SCAF4: variants seen among roughly 807,000 people sequenced by gnomAD.
The protein encoded by SCAF4 is SR-related CTD associated factor 4.
A neutral mutation model predicts 129.8 loss-of-function variants in SCAF4; 25 were observed. That is an observed-to-expected ratio of 0.19 (90% CI 0.14 to 0.27). SCAF4 has a LOEUF of 0.27. Ranked by LOEUF, SCAF4 falls within the 10% of genes least tolerant of loss-of-function variation. SCAF4 has a pLI of 1.00. For synonymous variants in SCAF4, 551 were observed against 497.7 expected (o/e 1.11, Z -1.43); for missense variants, 1,246 against 1,457.1 (o/e 0.86, Z 2.36).
At position 31,732,000 on chromosome 21, in the gene SCAF4, C is replaced by T. The variant is rs2051376148; in HGVS notation, c.-308G>A. The T allele has an allele frequency of 1.1e-5, 5 of 472,022 alleles. No homozygotes were observed. Among genetic ancestry groups the T allele is most frequent in the East Asian group, 7.1e-5 (2 of 28,162 alleles). The allele number at this position is 472,022 out of a possible 1,614,324, so 29.2% of individuals were successfully genotyped here. A position where few individuals can be genotyped will look rare whatever the true frequency, so the allele number is the denominator to read the frequency against. ...GCGCTCTGCGTCTCGCTGACACGGC[C>T]CCCCGCGCCCTCACGCACTGGCTCA... On this transcript the variant is annotated 5_prime_UTR_variant, in exon 1 of 20. Transcript: ENST00000286835.
Position 31,672,192 on chromosome 21 carries a change from T to C in SCAF4, c.2651A>G (p.His884Arg), listed in dbSNP as rs760815311. Residue 884 changes from histidine (H) to arginine (R), a missense_variant, in exon 20 of 20, where the codon CAC becomes CGC. By Grantham distance (29) the His-to-Arg change is conservative (BLOSUM62 0). Transcript: ENST00000286835. ...TGGCGGTGGGCCTCTGTGCATCATG[T>C]GCGGTGGCATGGGACGGGGCGGCAT... is the stretch of plus-strand genomic sequence containing the variant. ...PLMPPRPMPP[H>R]MMHRGPPPGP... is the part of the protein sequence containing the mutation. 4 of 1,606,088 alleles carry C rather than the reference T, an allele frequency of 2.5e-6. No individual in the cohort carries two copies. The highest frequency in any genetic ancestry group is 2.6e-6 in the Non-Finnish European group (3 of 1,175,300).
chr21:31,708,072 A>G (rs1468782738), intron 1 of SCAF4, among the ~76,000 whole-genome samples: 1 of 151,818 alleles, frequency 6.6e-6, no homozygotes, highest in East Asian at 1.9e-4. Context: ...TAAAACGCTC[A>G]CTAACTGAAA....
intron 14 of SCAF4, 34 bp downstream of exon 14, chr21:31,691,783 A>G: frequency 8.3e-7 from 1 of 1,198,922 alleles, no homozygotes; most frequent in Non-Finnish European, 1.1e-6. Context: ...TGCCTATTTA[A>G]AAAAAAAATT....
chr21:31,723,297 C>G (rs954511811), intron 1 of SCAF4, among the ~76,000 whole-genome samples: 2 of 151,930 alleles, frequency 1.3e-5, no homozygotes, highest in African/African-American at 4.8e-5. Context: ...ACTTAAAATA[C>G]AAAAATTGGC....
At position 31,690,836 on chromosome 21, in the gene SCAF4, A is replaced by G. The variant is rs1314886066; in HGVS notation, c.1846T>C (p.Cys616Arg). ...TCACTGTCCAACATTCCTCCTTCAC[A>G]AAAACTCTCCAGTTCCTCAGGCTTG... is the stretch of plus-strand genomic sequence containing the variant. ...KVKPEELESFCEGGMLDSDTL... is the reference protein window; with the variant it reads ...KVKPEELESFREGGMLDSDTL... The change falls in exon 15 of 20, where the codon TGT becomes CGT. Residue 616 changes from cysteine to arginine, a missense_variant. Coordinates refer to ENST00000286835, the MANE Select transcript of SCAF4 (RefSeq NM_020706.2). 1 of 1,613,752 alleles carries G rather than the reference A, an allele frequency of 6.2e-7. No homozygotes were observed. The highest frequency in any genetic ancestry group is 1.7e-5 in the Admixed American group (1 of 59,974).
intron 6 of SCAF4, 125 bp downstream of exon 6, chr21:31,701,651 C>T (rs2050534948): frequency 9.8e-7 from 1 of 1,020,346 alleles, no homozygotes; most frequent in East Asian, 2.8e-5. Context: ...CTTGTGAAGG[C>T]TTTTCTAGTT....
At chr21:31,681,547 T>C (rs2298366) in intron 19 of SCAF4, among the ~76,000 whole-genome samples, 37,340 of 152,056 alleles carry the variant, frequency 0.25, 5,202 homozygotes, top group Middle Eastern at 0.36. Context: ...CTATCATTTG[T>C]AATATTCCTT....
At chr21:31,695,186 CT>C (rs1423408363) in intron 9 of SCAF4, among the ~76,000 whole-genome samples, 1 of 152,108 alleles carries the variant, frequency 6.6e-6, no homozygotes, top group Admixed American at 6.5e-5. Flanking sequence ...TCCTGTAACT[CT>C]TTTTAAAATT....
At position 31,731,930 on chromosome 21, in the gene SCAF4, G is replaced by A. The variant is rs2051373474; in HGVS notation, c.-238C>T. On this transcript the variant is annotated 5_prime_UTR_variant, in exon 1 of 20. Transcript: ENST00000286835. ...GTTCGCAGGATGAGGAAAAGGAGGC[G>A]GCGGCAGCGCTGGTCTTCAACATGT... The A allele has an allele frequency of 4.1e-6, 2 of 491,774 alleles. No individual in the cohort carries two copies. The highest frequency in any genetic ancestry group is 3.5e-6 in the Non-Finnish European group (1 of 283,804). 30.5% of individuals were successfully genotyped at this position (491,774 alleles called of 1,614,324 possible).
chr21:31,671,360 C>G lies in SCAF4; in HGVS notation c.*39G>C. 1 of 1,592,056 alleles carries G rather than the reference C, an allele frequency of 6.3e-7. No individual in the cohort carries two copies. The highest frequency in any genetic ancestry group is 8.6e-7 in the Non-Finnish European group (1 of 1,169,382). ...TCTGTACACCTCAAGCTCTACACTC[C>G]AGGAAGTGTCACTGTCACATTTTCA... On this transcript the variant is annotated 3_prime_UTR_variant, in exon 20 of 20. Transcript: ENST00000286835.
chr21:31,713,418 T>A (rs940922743), intron 1 of SCAF4, among the ~76,000 whole-genome samples: 1 of 152,140 alleles, frequency 6.6e-6, no homozygotes, highest in African/African-American at 2.4e-5. Context: ...AAACAATACA[T>A]ACAAAAGCAC....
intron 1 of SCAF4, among the ~76,000 whole-genome samples, chr21:31,714,985 C>G (rs950034331): frequency 2.6e-5 from 4 of 152,186 alleles, no homozygotes; most frequent in African/African-American, 7.2e-5. Context: ...TGGACAGGGT[C>G]CGGACGTAGT....
At chr21:31,691,059 A>G (rs2050249190) in intron 14 of SCAF4, 106 bp from the exon 15 acceptor site, 1 of 834,844 alleles carries the variant, frequency 1.2e-6, no homozygotes, top group African/African-American at 1.7e-5. Flanking sequence ...GCACCAAGGG[A>G]GCAATCTGGA....
At chr21:31,729,041 G>T (rs1486898460) in intron 1 of SCAF4, among the ~76,000 whole-genome samples, 1 of 152,094 alleles carries the variant, frequency 6.6e-6, no homozygotes, top group Non-Finnish European at 1.5e-5. Flanking sequence ...CCAAGTTCAG[G>T]TTTTACTTAT....
chr21:31,675,806 T>TG (rs1431183268), intron 19 of SCAF4, among the ~76,000 whole-genome samples: 2 of 151,130 alleles, frequency 1.3e-5, no homozygotes, highest in Non-Finnish European at 3.0e-5. Context: ...CAAAAGGGGG[T>TG]GGGGAGACAC....
In SCAF4 at chr21:31,696,624, C is replaced by T. The variant is rs78537042; in HGVS notation, c.904G>A (p.Val302Met). The T allele has an allele frequency of 1.3e-4, 207 of 1,612,850 alleles. No homozygotes were observed. The highest frequency in any genetic ancestry group is 4.0e-4 in the South Asian group (36 of 91,014). Residue 302 changes from valine to methionine, a missense_variant, in exon 8 of 20, where the codon GTG becomes ATG. By Grantham distance (21) the Val-to-Met change is conservative. This residue lies in a region of SCAF4 where 236 missense variants were observed against 210.0 expected (regional missense o/e 1.12). Coordinates refer to ENST00000286835, the MANE Select transcript of SCAF4 (RefSeq NM_020706.2). ...AAVPPAPTAT[V>M]PAAAAPAAAS... is the part of the protein sequence containing the mutation. ...GCAGCGGGTGCAGCAGCAGCAGGCA[C>T]GGTGGCGGTGGGTGCAGGGGGTACT...
chr21:31,704,021 C>G, intron 3 of SCAF4, 95 bp from the exon 4 acceptor site: 1 of 695,316 alleles, frequency 1.4e-6, no homozygotes, highest in Non-Finnish European at 2.3e-6. Flanking sequence ...ATATATCCAT[C>G]CAATGATTGC....
intron 1 of SCAF4, among the ~76,000 whole-genome samples, chr21:31,717,496 A>T (rs1223470700): frequency 6.6e-6 from 1 of 152,204 alleles, no homozygotes; most frequent in Non-Finnish European, 1.5e-5. Flanking sequence ...TTTAAAAATG[A>T]ACTTTAATTT....
intron 1 of SCAF4, chr21:31,706,988 G>T: frequency 6.7e-6 from 2 of 299,326 alleles, no homozygotes; most frequent in Non-Finnish European, 1.3e-5. Flanking sequence ...TTTTAAGGAG[G>T]GAATCCCAGT....
Sources: gnomAD v4.1 joint callset for allele counts (sites outside exome capture counted in the v4.1 genomes callset) on GRCh38, gnomAD v4.1.1 for gene constraint, gnomAD v4.1.1 regional missense constraint, MANE v1.5 for transcripts, NCBI Gene and HGNC (gene_info 2026-07-23, HGNC 2026-07-21) for gene names.